Variants in ARFIP1 observed in about 807,000 individuals in gnomAD.
The protein encoded by ARFIP1 is ARF interacting protein 1.
A neutral mutation model predicts 42.5 loss-of-function variants in ARFIP1; 24 were observed. That is an observed-to-expected ratio of 0.57 (90% CI 0.41 to 0.80). The LOEUF (loss-of-function observed/expected upper bound fraction) is 0.80, where lower values mean the gene tolerates loss of function less well. Ranked by LOEUF, ARFIP1 falls within the 30% of genes least tolerant of loss-of-function variation. ARFIP1 has a pLI of 0.00. For synonymous variants in ARFIP1, 141 were observed against 153.7 expected (o/e 0.92, Z 0.61); for missense variants, 354 against 434.0 (o/e 0.82, Z 1.64).
At chr4:152,825,188 G>T (rs1421169369) in intron 1 of ARFIP1, among the ~76,000 whole-genome samples, 1 of 151,518 alleles carries the variant, frequency 6.6e-6, no homozygotes, top group African/African-American at 2.4e-5. Flanking sequence ...ATTTTTCACA[G>T]AATTAGAAAA....
At chr4:152,896,339 A>G (rs62319954) in intron 8 of ARFIP1, among the ~76,000 whole-genome samples, 4,088 of 152,250 alleles carry the variant, frequency 0.027, 100 homozygotes, top group South Asian at 0.11. Flanking sequence ...TCTACAGATG[A>G]GAAAGAACTC....
chr4:152,891,640 C>G (rs1400588553), intron 8 of ARFIP1, among the ~76,000 whole-genome samples: 3 of 152,064 alleles, frequency 2.0e-5, no homozygotes, highest in African/African-American at 7.2e-5. Context: ...GAATTTGTAC[C>G]TCAACATCTC....
intron 2 of ARFIP1, among the ~76,000 whole-genome samples, chr4:152,852,231 C>A (rs1733048387): frequency 6.6e-6 from 1 of 152,110 alleles, no homozygotes; most frequent in Non-Finnish European, 1.5e-5. Flanking sequence ...TAAATGGGTC[C>A]ATTGTCTCTG....
At chr4:152,863,742 G>T (rs1313229036) in intron 3 of ARFIP1, 28 bp downstream of exon 3, 1 of 1,469,120 alleles carries the variant, frequency 6.8e-7, no homozygotes, top group Non-Finnish European at 9.5e-7. Context: ...TGTAAAGATG[G>T]CTGGGATAGA....
At position 152,857,929 on chromosome 4, in the gene ARFIP1, C is replaced by T. The variant is rs148327258; in HGVS notation, c.94-5677C>T. On this transcript the variant is annotated intron_variant, in intron 2 of 8. Transcript: ENST00000353617. ...ACTTTATCTGTTTTTCTTTCACTGC[C>T]GTGTCAGTAGTGACTAGAGCAGTGG... Among the ~76,000 whole-genome samples, 330 of 152,248 alleles carry T rather than the reference C, an allele frequency of 2.2e-3. 3 individuals carry two copies. Among genetic ancestry groups the T allele is most frequent in the Non-Finnish European group, 3.4e-3 (233 of 68,028 alleles).
At chr4:152,869,210 A>G (rs536434171) in intron 3 of ARFIP1, among the ~76,000 whole-genome samples, 1 of 152,212 alleles carries the variant, frequency 6.6e-6, no homozygotes, top group African/African-American at 2.4e-5. Flanking sequence ...CTAATAGTAA[A>G]GAAAGTAGAC....
intron 5 of ARFIP1, among the ~76,000 whole-genome samples, chr4:152,875,707 C>A (rs549043886): frequency 6.7e-6 from 1 of 149,424 alleles, no homozygotes; most frequent in South Asian, 2.1e-4. Flanking sequence ...ACTTAAATAT[C>A]TTTATTCTTT....
intron 2 of ARFIP1, among the ~76,000 whole-genome samples, chr4:152,851,590 G>A (rs1371397687): frequency 6.6e-6 from 1 of 152,160 alleles, no homozygotes; most frequent in East Asian, 1.9e-4. Flanking sequence ...GCCACTAAAT[G>A]CTATAAAAAT....
chr4:152,880,214 A>G (rs1027448212), intron 5 of ARFIP1, among the ~76,000 whole-genome samples: 2 of 152,048 alleles, frequency 1.3e-5, no homozygotes, highest in African/African-American at 4.8e-5. Flanking sequence ...TTGGTGGCGC[A>G]CGCCTGTAAT....
At chr4:152,903,663 G>A (rs1738034292) in intron 8 of ARFIP1, among the ~76,000 whole-genome samples, 1 of 152,010 alleles carries the variant, frequency 6.6e-6, no homozygotes, top group Non-Finnish European at 1.5e-5. Flanking sequence ...TCATTTTGTT[G>A]TGAAAACTAG....
intron 7 of ARFIP1, 42 bp from the exon 8 acceptor site, chr4:152,888,091 T>C (rs749765567): frequency 6.6e-7 from 1 of 1,516,070 alleles, no homozygotes; most frequent in Non-Finnish European, 8.9e-7. Context: ...GAACATACTT[T>C]ACTGTTCTTG....
intron 1 of ARFIP1, among the ~76,000 whole-genome samples, chr4:152,818,205 G>A (rs1051187915): frequency 1.8e-4 from 27 of 152,148 alleles, no homozygotes; most frequent in Non-Finnish European, 3.7e-4. Context: ...ACAGAAAAAC[G>A]GAAACTACAG....
intron 8 of ARFIP1, among the ~76,000 whole-genome samples, chr4:152,889,783 CTATA>C (rs1195925633): frequency 1.1e-4 from 2 of 18,854 alleles, no homozygotes; most frequent in African/African-American, 2.3e-4. Flanking sequence ...ACTATATATA[CTATA>C]TATTATATAC....
chr4:152,843,784 T>C (rs1320475869), intron 2 of ARFIP1, among the ~76,000 whole-genome samples: 1 of 152,136 alleles, frequency 6.6e-6, no homozygotes, highest in African/African-American at 2.4e-5. Flanking sequence ...CCAACAGCCC[T>C]GAGTCTGTTT....
At chr4:152,794,525 G>C (rs980156844) in intron 1 of ARFIP1, among the ~76,000 whole-genome samples, 2 of 152,160 alleles carry the variant, frequency 1.3e-5, no homozygotes, top group African/African-American at 2.4e-5. Flanking sequence ...ACTTGGTTGA[G>C]TGTGTTGTTT....
intron 2 of ARFIP1, among the ~76,000 whole-genome samples, chr4:152,830,730 C>T (rs1731189115): frequency 6.6e-6 from 1 of 152,132 alleles, no homozygotes; most frequent in Non-Finnish European, 1.5e-5. Context: ...CATTCCTGGC[C>T]TCTTCCTACT....
At chr4:152,820,420 CTG>C (rs1561121241) in intron 1 of ARFIP1, among the ~76,000 whole-genome samples, 1 of 152,042 alleles carries the variant, frequency 6.6e-6, no homozygotes, top group Non-Finnish European at 1.5e-5. Context: ...TTCTCACACA[CTG>C]TATTAGTTTG....
intron 1 of ARFIP1, among the ~76,000 whole-genome samples, chr4:152,815,749 T>C (rs1258072791): frequency 1.4e-5 from 2 of 143,852 alleles, no homozygotes; most frequent in African/African-American, 2.6e-5. Flanking sequence ...TTTTTTTTTT[T>C]TTTTTTTTTT....
At chr4:152,848,757 A>G (rs1422817537) in intron 2 of ARFIP1, among the ~76,000 whole-genome samples, 2 of 152,248 alleles carry the variant, frequency 1.3e-5, no homozygotes, top group Non-Finnish European at 2.9e-5. Flanking sequence ...TAGTTGCTCA[A>G]TAAAAGAATG....
Sources: gnomAD v4.1 joint callset for allele counts (sites outside exome capture counted in the v4.1 genomes callset) on GRCh38, gnomAD v4.1.1 for gene constraint, MANE v1.5 for transcripts, NCBI Gene and HGNC (gene_info 2026-07-23, HGNC 2026-07-21) for gene names.